KIF18A: variants seen among roughly 807,000 people sequenced by gnomAD.
KIF18A encodes kinesin-like protein KIF18A.
A neutral mutation model predicts 103.3 loss-of-function variants in KIF18A; 67 were observed. That is an observed-to-expected ratio of 0.65 (90% confidence interval 0.53 to 0.79). The LOEUF (loss-of-function observed/expected upper bound fraction) is 0.79. Among genes scored for constraint, KIF18A ranks in the 30% least tolerant of loss-of-function variants. The pLI, the probability that KIF18A is intolerant of heterozygous loss-of-function variation, is 0.00. For missense variants in KIF18A, 1,032 were observed against 1,062.5 expected (o/e 0.97, Z 0.40); for synonymous variants, 367 against 355.5 (o/e 1.03, Z -0.36).
chr11:28,090,115 G>T (rs967467402), intron 5 of KIF18A, among the ~76,000 whole-genome samples: 3 of 152,104 alleles, frequency 2.0e-5, no homozygotes, highest in Admixed American at 1.3e-4. Flanking sequence ...AAAAGGACTA[G>T]AAACTATAAG....
intron 15 of KIF18A, among the ~76,000 whole-genome samples, chr11:28,029,476 A>G (rs1169024045): frequency 6.6e-6 from 1 of 152,198 alleles, no homozygotes; most frequent in Non-Finnish European, 1.5e-5. Context: ...ACAAAATTCA[A>G]CAGCCCTTCA....
Position 28,088,510 on chromosome 11 carries a change from C to T in KIF18A, c.897+14G>A, listed in dbSNP as rs376366978. ...TATTTCAAACTATTTAACAAATAAACATATAATGCCTACCTTTGAATCTGC... is the reference window on the plus strand; with the variant it reads ...TATTTCAAACTATTTAACAAATAAATATATAATGCCTACCTTTGAATCTGC... On this transcript the variant is annotated intron_variant, in intron 6 of 16. Transcript: ENST00000263181. 1.7e-3 allele frequency: 2,651 copies of T among 1,593,638 alleles called. 2 individuals are homozygous for T. Among genetic ancestry groups the T allele is most frequent in the Middle Eastern group, 2.3e-3 (14 of 6,036 alleles).
Position 28,084,718 on chromosome 11 carries a change from C to A in KIF18A, c.988G>T (p.Ala330Ser). The A allele has an allele frequency of 6.2e-7, 1 of 1,611,662 alleles. No homozygotes were observed. Among genetic ancestry groups the A allele is most frequent in the Non-Finnish European group, 8.5e-7 (1 of 1,177,838 alleles). Residue 330 changes from alanine to serine, a missense_variant, in exon 7 of 17, where the codon GCT becomes TCT. By Grantham distance (99) the Ala-to-Ser change is moderately conservative (BLOSUM62 1). Transcript: ENST00000263181. ...LGGNCQTIMI[A>S]AVSPSSVFYD... ...AATACAGAGGAAGGACTAACAGCAG[C>A]TATCATTATAGTTTGACAGTTTCCT...
intron 2 of KIF18A, among the ~76,000 whole-genome samples, chr11:28,095,015 C>T (rs542164301): frequency 4.3e-4 from 66 of 152,072 alleles, no homozygotes; most frequent in Admixed American, 1.0e-3. Context: ...TCACTACCCC[C>T]GGCCCCCCAC....
intron 10 of KIF18A, among the ~76,000 whole-genome samples, chr11:28,073,688 A>G (rs780233978): frequency 3.9e-5 from 6 of 152,192 alleles, no homozygotes; most frequent in Non-Finnish European, 7.3e-5. Flanking sequence ...ATAGCGTTCA[A>G]TATCAGCTGT....
chr11:28,024,572 T>C (rs560065697), intron 15 of KIF18A, among the ~76,000 whole-genome samples: 1 of 152,074 alleles, frequency 6.6e-6, no homozygotes, highest in African/African-American at 2.4e-5. Context: ...ATAAGATAAA[T>C]ACATGAAATA....
intron 4 of KIF18A, 24 bp downstream of exon 4, chr11:28,091,385 G>C: frequency 4.8e-6 from 6 of 1,245,258 alleles, no homozygotes; most frequent in Non-Finnish European, 7.0e-6. Flanking sequence ...ATTCTAACAG[G>C]GAAAAAGATG....
intron 13 of KIF18A, among the ~76,000 whole-genome samples, chr11:28,054,759 AT>A (rs1232544600): frequency 2.0e-5 from 3 of 152,210 alleles, no homozygotes; most frequent in Non-Finnish European, 2.9e-5. Flanking sequence ...AGAACAAAAC[AT>A]TATAAAAACA....
In KIF18A at chr11:28,077,151, G is replaced by T; in HGVS notation, c.1281C>A (p.Asn427Lys). The change falls in exon 10 of 17, where the codon AAC becomes AAA. Residue 427 changes from asparagine (N) to lysine (K), a missense_variant. Transcript: ENST00000263181. ...KEIERFQEILNCLFQNREEIR... is the reference protein window; with the variant it reads ...KEIERFQEILKCLFQNREEIR... ...TTTCTTCTCGATTCTGGAACAAGCA[G>T]TTCAGGATTTCTTGAAACCTACCAA... 6.4e-7 allele frequency: 1 copy of T among 1,571,354 alleles called. No individual in the cohort carries two copies. Among genetic ancestry groups the T allele is most frequent in the South Asian group, 1.2e-5 (1 of 83,960 alleles).
At chr11:28,068,595 T>C (rs1195978816) in intron 11 of KIF18A, among the ~76,000 whole-genome samples, 1 of 152,138 alleles carries the variant, frequency 6.6e-6, no homozygotes, top group Non-Finnish European at 1.5e-5. Flanking sequence ...TTTGCTCTCC[T>C]GATATAGACA....
Position 28,083,207 on chromosome 11 carries a change from TTA to T in KIF18A, c.1109_1110del (p.Ile370AsnfsTer8). 1 of 1,562,128 alleles carries T rather than the reference TTA, an allele frequency of 6.4e-7. No homozygotes were observed. Among genetic ancestry groups the T allele is most frequent in the East Asian group, 2.3e-5 (1 of 42,692 alleles). ...KSNVLNVNNHITQYVKICNEQ... is the reference protein window; with the variant it reads ...KSNVLNVNNHXTQYVKICNEQ... ...TCATTACAGATCTTTACATATTGAG[TTA>T]TATGATTATTGACATTAAGAACATT... On this transcript the variant is annotated frameshift_variant, in exon 8 of 17. Transcript: ENST00000263181. LOFTEE classifies it high-confidence loss of function.
Position 28,021,214 on chromosome 11 carries a change from C to A in KIF18A, c.2683G>T (p.Gly895Ter). The A allele has an allele frequency of 6.6e-7, 1 of 1,505,266 alleles. No homozygotes were observed. The highest frequency in any genetic ancestry group is 8.9e-7 in the Non-Finnish European group (1 of 1,122,406). 93.2% of individuals were successfully genotyped at this position (1,505,266 alleles called of 1,614,324 possible). A position where few individuals can be genotyped will look rare whatever the true frequency, so the allele number is the denominator to read the frequency against. Residue 895 changes from glycine (G) to a stop codon, truncating the protein, a stop_gained, in exon 17 of 17, where the codon GGA becomes TGA. Coordinates refer to ENST00000263181, the MANE Select transcript of KIF18A (RefSeq NM_031217.4). LOFTEE classifies it high-confidence loss of function. The stretch of plus-strand genomic sequence containing the variant: ...TTTGAAGTGATTTATCTTAGATTTC[C>A]TTTTGAAATATTTCTTCCAAATTTT... ...VRKFGRNISK[G>*]NLR
At position 28,069,332 on chromosome 11, in the gene KIF18A, T is replaced by C; in HGVS notation, c.1517A>G (p.Asp506Gly). 1 of 1,613,552 alleles carries C rather than the reference T, an allele frequency of 6.2e-7. No individual in the cohort carries two copies. Among genetic ancestry groups the C allele is most frequent in the African/African-American group, 1.3e-5 (1 of 75,016 alleles). The change falls in exon 11 of 17, where the codon GAT (aspartate) becomes GGT (glycine). Residue 506 changes from aspartate (D) to glycine (G), a missense_variant. Asp to Gly is a moderately conservative substitution (Grantham distance 94). Coordinates refer to ENST00000263181, the MANE Select transcript of KIF18A (RefSeq NM_031217.4). ...KRREEELKQFDENTNWLHRVE... is the reference protein window; with the variant it reads ...KRREEELKQFGENTNWLHRVE... ...ACGATGGAGCCAATTAGTATTCTCA[T>C]CAAATTGCTTCAATTCCTCCTCCCT... is the stretch of plus-strand genomic sequence containing the variant.
intron 9 of KIF18A, among the ~76,000 whole-genome samples, chr11:28,077,541 G>A (rs1035578094): frequency 2.0e-5 from 3 of 152,064 alleles, no homozygotes; most frequent in African/African-American, 7.2e-5. Flanking sequence ...GATAACCTGG[G>A]CATGCACTAT....
At chr11:28,075,679 T>C (rs559819381) in intron 10 of KIF18A, among the ~76,000 whole-genome samples, 1 of 152,286 alleles carries the variant, frequency 6.6e-6, no homozygotes, top group South Asian at 2.1e-4. Flanking sequence ...GAGTACTGAA[T>C]CTTGTCTAGA....
chr11:28,035,322 G>A, intron 15 of KIF18A, 65 bp downstream of exon 15: 1 of 739,884 alleles, frequency 1.4e-6, no homozygotes, highest in Non-Finnish European at 2.1e-6. Context: ...AAAAGCAATA[G>A]CATATAATAT....
At chr11:28,039,271 C>T (rs1019065997) in intron 13 of KIF18A, among the ~76,000 whole-genome samples, 2 of 151,714 alleles carry the variant, frequency 1.3e-5, no homozygotes, top group Non-Finnish European at 2.9e-5. Context: ...TCATCAAAAA[C>T]TTACTGTTAT....
intron 7 of KIF18A, 174 bp downstream of exon 7, chr11:28,084,458 A>G (rs917128823): frequency 6.9e-6 from 2 of 290,610 alleles, no homozygotes; most frequent in African/African-American, 4.4e-5. Flanking sequence ...AAGATGCTTT[A>G]TGGTTTAACC....
chr11:28,066,746 C>A (rs1352750820), intron 11 of KIF18A, among the ~76,000 whole-genome samples: 1 of 150,130 alleles, frequency 6.7e-6, no homozygotes, highest in Non-Finnish European at 1.5e-5. Context: ...GCATCTATGA[C>A]CCCCAAAAAG....
Sources: allele counts gnomAD v4.1 joint callset (sites outside exome capture counted in the v4.1 genomes callset), GRCh38; gene constraint gnomAD v4.1.1; transcripts MANE v1.5; gene names NCBI Gene and HGNC (gene_info 2026-07-23, HGNC 2026-07-21).